Variants in MGAT4C observed in about 807,000 individuals in gnomAD.
MGAT4C encodes MGAT4 family member C.
MGAT4C carries 19 observed loss-of-function variants against 40.1 expected under a neutral mutation model. That is an observed-to-expected ratio of 0.47 (90% CI 0.33 to 0.70). The LOEUF (loss-of-function observed/expected upper bound fraction) is 0.70. MGAT4C is among the 30% of genes least tolerant of loss of function. The pLI is 0.02. For synonymous variants in MGAT4C, 181 were observed against 187.1 expected (o/e 0.97, Z 0.27); for missense variants, 491 against 563.2 (o/e 0.87, Z 1.30).
intron 2 of MGAT4C, chr12:86,028,015 C>T: frequency 1.5e-6 from 1 of 656,388 alleles, no homozygotes; most frequent in Non-Finnish European, 2.3e-6. Flanking sequence ...TATACATTCT[C>T]CAGGCTTTGA....
intron 2 of MGAT4C, among the ~76,000 whole-genome samples, chr12:86,044,139 T>C (rs1019725154): frequency 6.6e-6 from 1 of 152,074 alleles, no homozygotes; most frequent in Admixed American, 6.6e-5. Flanking sequence ...ATTTTAGGGG[T>C]CTAAGGCTCA....
chr12:86,756,417 CG>C (rs1357804404), intron 1 of MGAT4C, among the ~76,000 whole-genome samples: 1 of 136,718 alleles, frequency 7.3e-6, no homozygotes, highest in Non-Finnish European at 1.6e-5. Context: ...CTGCAACATA[CG>C]ATTTTTTTTT....
intron 1 of MGAT4C, among the ~76,000 whole-genome samples, chr12:86,094,082 G>T (rs1157945096): frequency 6.6e-6 from 1 of 152,152 alleles, no homozygotes; most frequent in East Asian, 1.9e-4. Flanking sequence ...GTTCAATGAG[G>T]GAAATGAAAA....
chr12:86,492,147 C>G (rs548407097), intron 2 of MGAT4C, among the ~76,000 whole-genome samples: 34 of 152,080 alleles, frequency 2.2e-4, no homozygotes, highest in African/African-American at 7.2e-4. Context: ...AAATAAAAGA[C>G]TATACAAACA....
At chr12:85,982,288 T>C (rs1884685518) in intron 4 of MGAT4C, among the ~76,000 whole-genome samples, 1 of 152,188 alleles carries the variant, frequency 6.6e-6, no homozygotes, top group African/African-American at 2.4e-5. Flanking sequence ...CAGGCGATTC[T>C]TGTGCCTTGG....
At chr12:86,603,949 C>T (rs1311559951) in intron 2 of MGAT4C, among the ~76,000 whole-genome samples, 1 of 151,058 alleles carries the variant, frequency 6.6e-6, no homozygotes, top group Non-Finnish European at 1.5e-5. Flanking sequence ...GATATAGTTA[C>T]ATTTCACAAT....
intron 2 of MGAT4C, among the ~76,000 whole-genome samples, chr12:86,440,723 A>C (rs529442307): frequency 6.6e-6 from 1 of 152,214 alleles, no homozygotes; most frequent in African/African-American, 2.4e-5. Flanking sequence ...TACCTAGGAA[A>C]CCCTAAAGAG....
chr12:86,313,133 T>C (rs1287934545), intron 4 of MGAT4C, among the ~76,000 whole-genome samples: 1 of 152,188 alleles, frequency 6.6e-6, no homozygotes, highest in African/African-American at 2.4e-5. Context: ...ACATTTATTA[T>C]ACAAAAAGAC....
intron 4 of MGAT4C, among the ~76,000 whole-genome samples, chr12:86,270,372 A>T (rs1275678317): frequency 6.6e-6 from 1 of 152,042 alleles, no homozygotes; most frequent in Non-Finnish European, 1.5e-5. Flanking sequence ...TGAGCCACTG[A>T]GCCCAGCCCA....
At chr12:86,481,372 G>C (rs1957934342) in intron 2 of MGAT4C, among the ~76,000 whole-genome samples, 1 of 151,966 alleles carries the variant, frequency 6.6e-6, no homozygotes, top group South Asian at 2.1e-4. Flanking sequence ...GCTCTCATAT[G>C]CTTTTGTTAG....
At chr12:86,541,399 G>A (rs910980462) in intron 2 of MGAT4C, among the ~76,000 whole-genome samples, 2 of 152,106 alleles carry the variant, frequency 1.3e-5, no homozygotes, top group African/African-American at 4.8e-5. Flanking sequence ...TGGTAAATAC[G>A]AGATGGTAGA....
At chr12:86,346,775 GAGTC>G in intron 3 of MGAT4C, among the ~76,000 whole-genome samples, 1 of 152,056 alleles carries the variant, frequency 6.6e-6, no homozygotes, top group Non-Finnish European at 1.5e-5. Context: ...ATTAACATTT[GAGTC>G]AGTGGACAGA....
rs1418492592 is a variant in MGAT4C, at chr12:86,609,938, T to C, written c.-229+117271A>G. 4.6e-5 allele frequency among the ~76,000 whole-genome samples: 7 copies of C among 152,200 alleles called. No homozygotes were observed. In the East Asian group the frequency reaches 1.3e-3, roughly 29 times the overall value. On this transcript the variant is annotated intron_variant, in intron 2 of 7. Coordinates refer to the MGAT4C transcript ENST00000548651. The stretch of plus-strand genomic sequence containing the variant: ...TTGCAATCCATGAACCATGATTTTA[T>C]AGTTCATCACATTATAAGTCTTCAC...
intron 1 of MGAT4C, among the ~76,000 whole-genome samples, chr12:86,175,540 A>G (rs1169375013): frequency 1.3e-5 from 2 of 152,108 alleles, no homozygotes; most frequent in African/African-American, 4.8e-5. Flanking sequence ...GGATTATTCT[A>G]GAGTTTACAT....
intron 2 of MGAT4C, among the ~76,000 whole-genome samples, chr12:86,619,698 G>C (rs1414342807): frequency 6.6e-6 from 1 of 150,874 alleles, no homozygotes; most frequent in East Asian, 1.9e-4. Flanking sequence ...TTATTCTTTT[G>C]AAAGATACTC....
intron 1 of MGAT4C, among the ~76,000 whole-genome samples, chr12:86,221,787 A>G (rs1465242993): frequency 6.6e-6 from 1 of 152,164 alleles, no homozygotes; most frequent in East Asian, 1.9e-4. Context: ...CTACCTGCCC[A>G]CATTGCCATG....
At chr12:86,387,340 C>T (rs1283104604) in intron 3 of MGAT4C, among the ~76,000 whole-genome samples, 2 of 151,864 alleles carry the variant, frequency 1.3e-5, no homozygotes, top group Non-Finnish European at 2.9e-5. Flanking sequence ...CCTCTGTTTT[C>T]TATTATTGCT....
chr12:86,566,531 C>CAT (rs71078910), intron 2 of MGAT4C, among the ~76,000 whole-genome samples: 6 of 39,820 alleles, frequency 1.5e-4, no homozygotes, highest in African/African-American at 6.3e-5. Flanking sequence ...AACTCATATA[C>CAT]ATATATATAT....
At chr12:86,572,857 TTC>T (rs757398812) in intron 2 of MGAT4C, among the ~76,000 whole-genome samples, 6 of 151,976 alleles carry the variant, frequency 3.9e-5, no homozygotes, top group Non-Finnish European at 8.8e-5. Context: ...CACTCTGCCC[TTC>T]TCTCTTTTCT....
Sources: allele counts gnomAD v4.1 joint callset (sites outside exome capture counted in the v4.1 genomes callset), GRCh38; gene constraint gnomAD v4.1.1; transcripts MANE v1.5; gene names NCBI Gene and HGNC (gene_info 2026-07-23, HGNC 2026-07-21).